ITGA9: variants seen among roughly 807,000 people sequenced by gnomAD.
ITGA9 encodes integrin subunit alpha 9.
ITGA9 carries 56 observed loss-of-function variants against 127.8 expected under a neutral mutation model. The ratio of observed to expected loss-of-function variants is 0.44; its 90% CI spans 0.35 to 0.55. The LOEUF (loss-of-function observed/expected upper bound fraction) is 0.55, where lower values mean the gene tolerates loss of function less well. Ranked by LOEUF, ITGA9 falls within the 20% of genes least tolerant of loss-of-function variation. ITGA9 has a pLI of 0.00. For missense variants in ITGA9, 1,196 were observed against 1,347.1 expected, an observed-to-expected ratio of 0.89 and a Z score of 1.76; for synonymous variants, 508 against 514.5, an observed-to-expected ratio of 0.99 and a Z score of 0.17.
At chr3:37,542,159 T>C (rs1018770263) in intron 14 of ITGA9, among the ~76,000 whole-genome samples, 1 of 152,046 alleles carries the variant, frequency 6.6e-6, no homozygotes, top group African/African-American at 2.4e-5. Flanking sequence ...CATGATGGCA[T>C]GAGGTTTAAA....
Position 37,629,120 on chromosome 3 carries a change from C to G in ITGA9, c.1690-67C>G. ...AATTCATGTAGAAGGTCTTTGTAAA[C>G]TGTGAAATGCTCTACGACTGTCAGC... On this transcript the variant is annotated intron_variant, in intron 15 of 27. Coordinates refer to ENST00000264741, the MANE Select transcript of ITGA9 (RefSeq NM_002207.3). The surrounding 1 kb of genome is among the most constrained non-coding windows in gnomAD (Gnocchi z 4.5). The G allele has an allele frequency of 6.3e-7, 1 of 1,576,860 alleles. No individual in the cohort carries two copies. Among genetic ancestry groups the G allele is most frequent in the Non-Finnish European group, 8.7e-7 (1 of 1,147,984 alleles).
intron 22 of ITGA9, chr3:37,748,196 C>A: frequency 2.2e-6 from 1 of 455,454 alleles, no homozygotes; most frequent in Non-Finnish European, 4.2e-6. Flanking sequence ...TTTTTGGCCA[C>A]GTGTATGCAA....
intron 23 of ITGA9, among the ~76,000 whole-genome samples, chr3:37,760,186 C>T (rs1443266751): frequency 6.6e-6 from 1 of 151,676 alleles, no homozygotes; most frequent in Admixed American, 6.6e-5. Context: ...TTGCTTGAAC[C>T]CAGGAGGCGG....
chr3:37,734,693 T>G (rs1406179647), intron 19 of ITGA9, among the ~76,000 whole-genome samples: 1 of 152,198 alleles, frequency 6.6e-6, no homozygotes, highest in Non-Finnish European at 1.5e-5. Context: ...GGTTTCACTG[T>G]GTTGGCCAGG....
At chr3:37,634,204 A>T (rs1700255686) in intron 16 of ITGA9, among the ~76,000 whole-genome samples, 1 of 152,160 alleles carries the variant, frequency 6.6e-6, no homozygotes, top group Non-Finnish European at 1.5e-5. Flanking sequence ...TCTACAAAAC[A>T]ACTAGAAAAC....
intron 15 of ITGA9, among the ~76,000 whole-genome samples, chr3:37,614,290 T>C (rs903294543): frequency 6.6e-6 from 1 of 152,052 alleles, no homozygotes; most frequent in Non-Finnish European, 1.5e-5. Context: ...TGCGGCATTA[T>C]TTCTGAGGGC....
intron 15 of ITGA9, among the ~76,000 whole-genome samples, chr3:37,583,366 G>C (rs900054911): frequency 6.6e-6 from 1 of 152,170 alleles, no homozygotes; most frequent in Non-Finnish European, 1.5e-5. Context: ...GCATGTGCAT[G>C]ATGAGCACCC....
chr3:37,539,156 G>A (rs1176084500), intron 14 of ITGA9, among the ~76,000 whole-genome samples: 2 of 152,192 alleles, frequency 1.3e-5, no homozygotes, highest in African/African-American at 4.8e-5. Flanking sequence ...GAGTAAAGTT[G>A]GTGTTTGTAA....
chr3:37,576,693 G>A (rs1030681014), intron 15 of ITGA9, among the ~76,000 whole-genome samples: 3 of 152,160 alleles, frequency 2.0e-5, no homozygotes, highest in Non-Finnish European at 2.9e-5. Context: ...TGCAACCTCC[G>A]CCTCCCAGGC....
chr3:37,455,758 ATGTGT>A (rs1464554585), intron 1 of ITGA9, among the ~76,000 whole-genome samples: 1 of 152,162 alleles, frequency 6.6e-6, no homozygotes, highest in Non-Finnish European at 1.5e-5. Flanking sequence ...AGGTGAAAAG[ATGTGT>A]TGTCTCTAGG....
At chr3:37,500,205 T>C (rs1042610806) in intron 5 of ITGA9, among the ~76,000 whole-genome samples, 2 of 152,228 alleles carry the variant, frequency 1.3e-5, no homozygotes, top group Non-Finnish European at 2.9e-5. Flanking sequence ...CGTGGTCTCT[T>C]ATGCAGGACA....
At chr3:37,512,013 CT>C (rs752622724) in intron 8 of ITGA9, among the ~76,000 whole-genome samples, 3,249 of 33,970 alleles carry the variant, frequency 0.096, 302 homozygotes, top group East Asian at 0.13. Flanking sequence ...CTTTTCTTTT[CT>C]TTTCTTTTCT....
intron 26 of ITGA9, among the ~76,000 whole-genome samples, chr3:37,792,166 C>T (rs546158434): frequency 2.1e-4 from 32 of 152,272 alleles, no homozygotes; most frequent in African/African-American, 5.1e-4. Context: ...AGAAAACTCT[C>T]GGTATAGTTT....
Position 37,743,781 on chromosome 3 carries a change from C to T in ITGA9, c.2325-145C>T. The T allele has an allele frequency of 4.2e-6, 3 of 707,990 alleles. No homozygotes were observed. In the South Asian group the frequency reaches 4.6e-5, roughly 11 times the overall value. The allele number at this position is 707,990 out of a possible 1,614,324, so 43.9% of individuals were successfully genotyped here. A position where few individuals can be genotyped will look rare whatever the true frequency, so the allele number is the denominator to read the frequency against. On this transcript the variant is annotated intron_variant, in intron 21 of 27. Transcript: ENST00000264741. ...TTCATGCCTGGTCAGAAAGCACAGA[C>T]TGGCTATGTAACAGCCCCAGCAGGG...
intron 26 of ITGA9, among the ~76,000 whole-genome samples, chr3:37,785,456 A>G (rs775591175): frequency 2.6e-5 from 4 of 152,046 alleles, no homozygotes; most frequent in Non-Finnish European, 4.4e-5. Flanking sequence ...ACATTACTCC[A>G]TGGGTAAATA....
At chr3:37,485,830 T>G (rs1426354853) in intron 4 of ITGA9, among the ~76,000 whole-genome samples, 3 of 152,282 alleles carry the variant, frequency 2.0e-5, no homozygotes, top group African/African-American at 7.2e-5. Context: ...TAAAAATGAA[T>G]TTAGGACATA....
chr3:37,699,615 C>G (rs1329058880), intron 18 of ITGA9, among the ~76,000 whole-genome samples: 2 of 152,184 alleles, frequency 1.3e-5, no homozygotes, highest in Non-Finnish European at 2.9e-5. Context: ...TACACTCCTC[C>G]TCTTACACTC....
chr3:37,483,714 G>A (rs1698580425), intron 4 of ITGA9, among the ~76,000 whole-genome samples: 1 of 152,232 alleles, frequency 6.6e-6, no homozygotes, highest in Non-Finnish European at 1.5e-5. Context: ...AGAGGTGCTG[G>A]CAGGTGGCAG....
intron 1 of ITGA9, among the ~76,000 whole-genome samples, chr3:37,468,255 C>T (rs1401543881): frequency 2.0e-5 from 3 of 151,964 alleles, no homozygotes; most frequent in Non-Finnish European, 4.4e-5. Flanking sequence ...TCTCTCACTC[C>T]CCAGCAGGGC....
Sources: allele counts gnomAD v4.1 joint callset (sites outside exome capture counted in the v4.1 genomes callset), GRCh38; gene constraint gnomAD v4.1.1; non-coding constraint Gnocchi (gnomAD v3.1); transcripts MANE v1.5; gene names NCBI Gene and HGNC (gene_info 2026-07-23, HGNC 2026-07-21).